The following TNNI3K variants were observed in gnomAD, a reference collection of about 807,000 sequenced individuals.
TNNI3K encodes the protein TNNI3 interacting kinase.
TNNI3K carries 140 observed loss-of-function variants against 114.5 expected under a neutral mutation model. The ratio of observed to expected loss-of-function variants is 1.22; its 90% CI spans 1.07 to 1.41. The LOEUF is 1.41. Among genes scored for constraint, TNNI3K ranks in the 40% most tolerant of loss-of-function variants. TNNI3K has a pLI of 0.00. For synonymous variants in TNNI3K, 347 were observed against 347.5 expected (o/e 1.00, Z 0.02); for missense variants, 1,125 against 1,007.6 (o/e 1.12, Z -1.58).
intron 2 of TNNI3K, among the ~76,000 whole-genome samples, chr1:74,242,112 G>A (rs1654270787): frequency 6.6e-6 from 1 of 152,100 alleles, no homozygotes; most frequent in Non-Finnish European, 1.5e-5. Context: ...GCCTCCCAAA[G>A]TGCTGGGATT....
chr1:74,449,142 C>A (rs1204351058), intron 20 of TNNI3K, among the ~76,000 whole-genome samples: 1 of 150,436 alleles, frequency 6.6e-6, no homozygotes, highest in Non-Finnish European at 1.5e-5. Flanking sequence ...AATTTCAGCT[C>A]CTGTTATTGG....
intron 17 of TNNI3K, among the ~76,000 whole-genome samples, chr1:74,410,029 A>G (rs899779256): frequency 6.6e-6 from 1 of 152,162 alleles, no homozygotes; most frequent in Non-Finnish European, 1.5e-5. Flanking sequence ...CAAATATGCT[A>G]AAACAAAAAG....
At chr1:74,432,144 A>G (rs142130324) in intron 17 of TNNI3K, among the ~76,000 whole-genome samples, 58 of 152,238 alleles carry the variant, frequency 3.8e-4, no homozygotes, top group African/African-American at 1.3e-3. Flanking sequence ...TAAGTATAGT[A>G]TAAGTTAACC....
intron 3 of TNNI3K, among the ~76,000 whole-genome samples, chr1:74,249,954 T>C (rs1414763609): frequency 5.3e-5 from 8 of 152,188 alleles, no homozygotes; most frequent in African/African-American, 1.9e-4. Context: ...AAAGTGAAGA[T>C]TGATCGAAGT....
chr1:74,418,622 G>A (rs1265604733), intron 17 of TNNI3K, among the ~76,000 whole-genome samples: 1 of 151,840 alleles, frequency 6.6e-6, no homozygotes, highest in African/African-American at 2.4e-5. Flanking sequence ...AAAATTTACG[G>A]AAAATGGTTG....
chr1:74,530,142 G>C (rs116585305), intron 23 of TNNI3K, among the ~76,000 whole-genome samples: 1 of 152,062 alleles, frequency 6.6e-6, no homozygotes, highest in Non-Finnish European at 1.5e-5. Context: ...AGGTGTCTAC[G>C]TTTCTATTTA....
At chr1:74,436,672 G>A (rs1306639433) in intron 19 of TNNI3K, 146 bp downstream of exon 19, 1 of 771,592 alleles carries the variant, frequency 1.3e-6, no homozygotes, top group East Asian at 3.3e-5. Flanking sequence ...TTTATTTTTA[G>A]TAAGCTGTCA....
intron 20 of TNNI3K, among the ~76,000 whole-genome samples, chr1:74,445,327 G>A (rs1349616134): frequency 5.0e-5 from 7 of 139,634 alleles, no homozygotes; most frequent in African/African-American, 8.2e-5. Flanking sequence ...CCACTAACTC[G>A]TCATCTAGCA....
chr1:74,372,533 C>T (rs1244124088), intron 17 of TNNI3K: 1 of 151,616 alleles, frequency 6.6e-6, no homozygotes, highest in African/African-American at 2.4e-5. Context: ...AGTTCTTTAC[C>T]TTTCTTAATT....
intron 19 of TNNI3K, among the ~76,000 whole-genome samples, chr1:74,436,798 A>G (rs900663365): frequency 1.3e-5 from 2 of 152,080 alleles, no homozygotes; most frequent in East Asian, 1.9e-4. Flanking sequence ...CGTTGTGGGC[A>G]TGGATCTTTT....
At chr1:74,451,689 T>TTTCTTTTCTTTTCTTTTCTTTTCTTC (rs1431751183) in intron 20 of TNNI3K, among the ~76,000 whole-genome samples, 1 of 65,342 alleles carries the variant, frequency 1.5e-5, no homozygotes. Flanking sequence ...TTTCTTTTCT[T>TTTCTTTTCTTTTCTTTTCTTTTCTTC]TCTTTCTTTC....
intron 20 of TNNI3K, among the ~76,000 whole-genome samples, chr1:74,446,383 G>A (rs1164572517): frequency 6.7e-6 from 1 of 149,206 alleles, no homozygotes; most frequent in African/African-American, 2.5e-5. Context: ...TTTTTGATGG[G>A]GTTGTTTGTT....
At chr1:74,387,759 C>T (rs1193264033) in intron 17 of TNNI3K, among the ~76,000 whole-genome samples, 3 of 152,192 alleles carry the variant, frequency 2.0e-5, no homozygotes, top group Admixed American at 1.3e-4. Context: ...CAATGATTAA[C>T]AAGTTATTTC....
At chr1:74,238,394 C>T (rs1184456191) in intron 2 of TNNI3K, among the ~76,000 whole-genome samples, 2 of 151,864 alleles carry the variant, frequency 1.3e-5, no homozygotes, top group Non-Finnish European at 2.9e-5. Context: ...ATACTAAGTA[C>T]AGGGCCCAAC....
intron 20 of TNNI3K, among the ~76,000 whole-genome samples, chr1:74,446,310 A>T (rs996906559): frequency 6.8e-6 from 1 of 147,238 alleles, no homozygotes; most frequent in Admixed American, 6.8e-5. Context: ...GCATTTTTTC[A>T]TGTGTTTTTT....
intron 21 of TNNI3K, among the ~76,000 whole-genome samples, chr1:74,473,940 G>T (rs1179178634): frequency 2.6e-5 from 4 of 152,112 alleles, no homozygotes; most frequent in African/African-American, 9.7e-5. Flanking sequence ...GGCATAATCA[G>T]AGTGGCAATT....
At chr1:74,389,177 A>G (rs1398613790) in intron 17 of TNNI3K, among the ~76,000 whole-genome samples, 4 of 152,192 alleles carry the variant, frequency 2.6e-5, no homozygotes, top group Admixed American at 2.6e-4. Flanking sequence ...GCTGGAAGTA[A>G]TGAGTGTTGG....
At chr1:74,259,601 T>C (rs1655544435) in intron 4 of TNNI3K, among the ~76,000 whole-genome samples, 1 of 152,002 alleles carries the variant, frequency 6.6e-6, no homozygotes, top group Admixed American at 6.6e-5. Flanking sequence ...GGTGAAACCT[T>C]GTCTCTACTA....
chr1:74,492,375 A>C, intron 23 of TNNI3K, 109 bp downstream of exon 23: 12 of 1,300,038 alleles, frequency 9.2e-6, no homozygotes, highest in Non-Finnish European at 1.2e-5. Context: ...CCCCTGAAAA[A>C]CTTTGAAAGA....
Sources: gnomAD v4.1 joint callset for allele counts (sites outside exome capture counted in the v4.1 genomes callset) on GRCh38, gnomAD v4.1.1 for gene constraint, MANE v1.5 for transcripts, NCBI Gene and HGNC (gene_info 2026-07-23, HGNC 2026-07-21) for gene names.